The following MYH10 variants were observed in gnomAD, a reference collection of about 807,000 sequenced individuals.
MYH10 encodes myosin heavy chain 10.
MYH10 carries 55 observed loss-of-function variants against 257.8 expected under a neutral mutation model. The observed-to-expected ratio is 0.21, with a 90% CI of 0.17 to 0.27. The LOEUF is 0.27. Ranked by LOEUF, MYH10 falls within the 10% of genes least tolerant of loss-of-function variation. The pLI, the probability that MYH10 is intolerant of heterozygous loss-of-function variation, is 1.00. For missense variants in MYH10, 1,631 were observed against 2,500.6 expected, an observed-to-expected ratio of 0.65 and a Z score of 7.42; for synonymous variants, 854 against 921.7, an observed-to-expected ratio of 0.93 and a Z score of 1.33.
chr17:8,540,321 G>A (rs887930951), intron 14 of MYH10, among the ~76,000 whole-genome samples: 6 of 152,114 alleles, frequency 3.9e-5, no homozygotes, highest in Non-Finnish European at 7.4e-5. Flanking sequence ...TTTGCTTGGA[G>A]TTGGTTATTA....
chr17:8,508,297 C>T (rs1281382220), intron 26 of MYH10, among the ~76,000 whole-genome samples: 2 of 152,048 alleles, frequency 1.3e-5, no homozygotes, highest in Non-Finnish European at 2.9e-5. Context: ...GAGATGGAGT[C>T]TCACTATGCT....
intron 9 of MYH10, among the ~76,000 whole-genome samples, chr17:8,550,490 G>A (rs1190547679): frequency 4.0e-5 from 6 of 151,888 alleles, no homozygotes; most frequent in East Asian, 2.0e-4. Context: ...CTCTCCGCCC[G>A]GCAGCCACCC....
At chr17:8,528,937 C>T (rs568026252) in intron 17 of MYH10, among the ~76,000 whole-genome samples, 1 of 152,264 alleles carries the variant, frequency 6.6e-6, no homozygotes, top group Admixed American at 6.5e-5. Context: ...CTTGGTTCAG[C>T]TAAGTAACTC....
chr17:8,494,093 A>G (rs1309808522), intron 31 of MYH10, among the ~76,000 whole-genome samples: 1 of 152,214 alleles, frequency 6.6e-6, no homozygotes, highest in Non-Finnish European at 1.5e-5. Flanking sequence ...TCATCTCTGA[A>G]AAACGAATGG....
intron 38 of MYH10, among the ~76,000 whole-genome samples, chr17:8,480,983 AT>A (rs1213838583): frequency 1.3e-5 from 2 of 152,294 alleles, no homozygotes; most frequent in Non-Finnish European, 2.9e-5. Context: ...GAAAAAATGA[AT>A]TCAGAGAAAG....
intron 7 of MYH10, chr17:8,554,248 T>C (rs1475419059): frequency 3.6e-5 from 10 of 277,372 alleles, no homozygotes; most frequent in Non-Finnish European, 6.1e-5. Flanking sequence ...TTAGAAATTA[T>C]TAATAAAAGA....
intron 34 of MYH10, 137 bp downstream of exon 34, chr17:8,492,160 C>T (rs1915867356): frequency 3.6e-6 from 3 of 823,264 alleles, no homozygotes; most frequent in African/African-American, 3.4e-5. Flanking sequence ...CCAAAACACT[C>T]CTAGATGGCT....
In MYH10 at chr17:8,518,787, C is replaced by T. The variant is rs771704378; in HGVS notation, c.2348G>A (p.Arg783Gln). 2.0e-5 allele frequency: 32 copies of T among 1,610,724 alleles called. No homozygotes were observed. Among genetic ancestry groups the T allele is most frequent in the Middle Eastern group, 1.7e-4 (1 of 6,054 alleles). Reference protein sequence around the residue: ...DGKQACERMIRALELDPNLYR... With the variant: ...DGKQACERMIQALELDPNLYR... ...CAAGTTTGGGTCCAATTCTAAAGCC[C>T]GGATCTAAGAGAGAAAGAGTTTATT... Residue 783 changes from arginine to glutamine, a missense_variant, in exon 21 of 43, where the codon CGG (arginine) becomes CAG (glutamine). This residue lies in a region of MYH10 where 116 missense variants were observed against 221.6 expected (regional missense o/e 0.52). Transcript: ENST00000360416.
intron 37 of MYH10, among the ~76,000 whole-genome samples, chr17:8,483,227 G>A (rs1352053501): frequency 6.6e-6 from 1 of 152,074 alleles, no homozygotes; most frequent in Non-Finnish European, 1.5e-5. Context: ...ATCTTAGAGG[G>A]GAATTTACAG....
chr17:8,521,531 G>A (rs921657916), intron 17 of MYH10: 2 of 498,514 alleles, frequency 4.0e-6, no homozygotes, highest in African/African-American at 1.9e-5. Context: ...GATGCCTTCC[G>A]CTGCGCTAGT....
intron 7 of MYH10, among the ~76,000 whole-genome samples, chr17:8,557,214 A>C (rs2082834118): frequency 6.6e-6 from 1 of 152,222 alleles, no homozygotes; most frequent in Non-Finnish European, 1.5e-5. Context: ...TTTTAAAAAA[A>C]GAAAAGAGGA....
At chr17:8,619,735 C>A (rs1256611163) in intron 2 of MYH10, among the ~76,000 whole-genome samples, 1 of 151,952 alleles carries the variant, frequency 6.6e-6, no homozygotes, top group Non-Finnish European at 1.5e-5. Flanking sequence ...ACCAGCCTGG[C>A]CAACATGGTG....
At chr17:8,589,377 T>C (rs1483650319) in intron 3 of MYH10, among the ~76,000 whole-genome samples, 1 of 152,196 alleles carries the variant, frequency 6.6e-6, no homozygotes, top group Non-Finnish European at 1.5e-5. Context: ...TTTATATGCC[T>C]AATTAACCTT....
chr17:8,573,841 T>G, intron 6 of MYH10: 1 of 975,900 alleles, frequency 1.0e-6, no homozygotes. Context: ...ATTTAAAAGG[T>G]AAACATAAAA....
At chr17:8,537,600 A>T (rs1303403048) in intron 14 of MYH10, among the ~76,000 whole-genome samples, 1 of 152,200 alleles carries the variant, frequency 6.6e-6, no homozygotes, top group Non-Finnish European at 1.5e-5. Flanking sequence ...AATCCACCCT[A>T]ATCACACAAC....
chr17:8,563,644 G>A (rs2083067436), intron 7 of MYH10, among the ~76,000 whole-genome samples: 5 of 152,160 alleles, frequency 3.3e-5, no homozygotes, highest in Admixed American at 3.3e-4. Flanking sequence ...AATCTTTCAG[G>A]TAAACGTTTG....
intron 1 of MYH10, among the ~76,000 whole-genome samples, chr17:8,626,153 A>G (rs1336471964): frequency 1.3e-5 from 2 of 152,236 alleles, no homozygotes; most frequent in African/African-American, 4.8e-5. Flanking sequence ...AGAGGGCAAT[A>G]CAGAAAACAT....
intron 36 of MYH10, among the ~76,000 whole-genome samples, chr17:8,486,980 T>C (rs139201887): frequency 6.2e-4 from 95 of 152,362 alleles, no homozygotes; most frequent in African/African-American, 2.1e-3. Flanking sequence ...CCATCCATCC[T>C]ATAGGTGAGG....
At chr17:8,597,900 G>A (rs2084441011) in intron 3 of MYH10, among the ~76,000 whole-genome samples, 1 of 152,054 alleles carries the variant, frequency 6.6e-6, no homozygotes, top group Non-Finnish European at 1.5e-5. Flanking sequence ...TTACAGGCGT[G>A]ACCCACTGTG....
Sources: allele counts gnomAD v4.1 joint callset (sites outside exome capture counted in the v4.1 genomes callset), GRCh38; gene constraint gnomAD v4.1.1; regional missense constraint gnomAD v4.1.1; transcripts MANE v1.5; gene names NCBI Gene and HGNC (gene_info 2026-07-23, HGNC 2026-07-21).